The following NALCN variants were observed in gnomAD, a reference collection of about 807,000 sequenced individuals.
NALCN encodes the protein sodium leak channel NALCN.
NALCN carries 111 observed loss-of-function variants against 225.3 expected under a neutral mutation model. The ratio of observed to expected loss-of-function variants is 0.49; its 90% confidence interval spans 0.42 to 0.58. NALCN has a LOEUF of 0.58. NALCN is among the 20% of genes least tolerant of loss of function. NALCN has a pLI of 0.00. For synonymous variants in NALCN, 764 were observed against 769.0 expected (o/e 0.99, Z 0.11); for missense variants, 1,378 against 2,202.4 (o/e 0.63, Z 7.49).
At chr13:101,263,618 C>T (rs2042503073) in intron 10 of NALCN, among the ~76,000 whole-genome samples, 1 of 152,174 alleles carries the variant, frequency 6.6e-6, no homozygotes, top group African/African-American at 2.4e-5. Context: ...GTAACTGTCA[C>T]AGCTTCACTT....
chr13:101,057,664 C>A, intron 43 of NALCN: 1 of 438,782 alleles, frequency 2.3e-6, no homozygotes, highest in Non-Finnish European at 4.1e-6. Flanking sequence ...GGAAATTTCT[C>A]CCTCTTGCTG....
At chr13:101,076,041 T>C in intron 34 of NALCN, 100 bp from the exon 35 acceptor site, 1 of 850,930 alleles carries the variant, frequency 1.2e-6, no homozygotes, top group Non-Finnish European at 1.8e-6. Context: ...AATAATTAGC[T>C]TAATATGTGT....
chr13:101,168,515 C>T (rs921881836), intron 15 of NALCN, among the ~76,000 whole-genome samples: 3 of 152,146 alleles, frequency 2.0e-5, no homozygotes. Flanking sequence ...ATCCCTGTGT[C>T]CTGGTTTTTC....
rs1473503244 is a variant in NALCN at position 101,080,587 on chromosome 13, AAAT to A, written c.3885+937_3885+939del. Among the ~76,000 whole-genome samples, 9 of 140,852 alleles carry A rather than the reference AAAT, an allele frequency of 6.4e-5. No homozygotes were observed. In the South Asian group the frequency reaches 6.7e-4, roughly 10 times the overall value. 92.4% of individuals were successfully genotyped at this position (140,852 alleles called of 152,430 possible). A position where few individuals can be genotyped will look rare whatever the true frequency, so the allele number is the denominator to read the frequency against. On this transcript the variant is annotated intron_variant, in intron 34 of 43. Coordinates refer to ENST00000251127, the MANE Select transcript of NALCN (RefSeq NM_052867.4). Reference sequence around the variant, plus strand: ...ATTATAACCAAATAATTATATAATTAAATAATTATTAAATTAATTATATAATCA... The same window carrying A: ...ATTATAACCAAATAATTATATAATTAAATTATTAAATTAATTATATAATCA...
At chr13:101,301,933 T>C (rs1221314516) in intron 7 of NALCN, among the ~76,000 whole-genome samples, 1 of 152,130 alleles carries the variant, frequency 6.6e-6, no homozygotes, top group Non-Finnish European at 1.5e-5. Context: ...AAATGTTAAT[T>C]AGAAGCTTTT....
intron 10 of NALCN, among the ~76,000 whole-genome samples, 183 bp downstream of exon 10, chr13:101,283,750 T>C (rs910785141): frequency 2.6e-5 from 4 of 151,048 alleles, no homozygotes; most frequent in African/African-American, 7.3e-5. Context: ...CAAATCCCTA[T>C]TGTGTATGTT....
intron 10 of NALCN, among the ~76,000 whole-genome samples, chr13:101,260,043 C>G (rs2042374756): frequency 6.6e-6 from 1 of 151,990 alleles, no homozygotes; most frequent in Non-Finnish European, 1.5e-5. Flanking sequence ...ATCTCAGCCT[C>G]TGGCAACCAA....
At chr13:101,220,389 T>C (rs1204696457) in intron 13 of NALCN, among the ~76,000 whole-genome samples, 3 of 152,226 alleles carry the variant, frequency 2.0e-5, no homozygotes, top group African/African-American at 7.2e-5. Context: ...TAATCATCTC[T>C]CCTGAATGAT....
At chr13:101,199,661 A>T (rs1356044682) in intron 13 of NALCN, among the ~76,000 whole-genome samples, 1 of 56,428 alleles carries the variant, frequency 1.8e-5, no homozygotes, top group Admixed American at 2.8e-4. Context: ...GGGTGGGGGG[A>T]GGGGGGAGGG....
intron 7 of NALCN, among the ~76,000 whole-genome samples, chr13:101,305,970 G>T (rs1449435833): frequency 6.6e-6 from 1 of 152,176 alleles, no homozygotes; most frequent in Non-Finnish European, 1.5e-5. Context: ...GGGGCTGGTG[G>T]AAATATTCAA....
intron 26 of NALCN, 101 bp from the exon 27 acceptor site, chr13:101,100,989 A>G: frequency 1.1e-6 from 1 of 907,884 alleles, no homozygotes; most frequent in South Asian, 2.2e-5. Context: ...AACATTGTAT[A>G]AAAATCATGG....
In NALCN at chr13:101,298,001, A is replaced by G. The variant is rs1039418438; in HGVS notation, c.800-5635T>C. 9.2e-5 allele frequency among the ~76,000 whole-genome samples: 14 copies of G among 152,294 alleles called. No homozygotes were observed. The East Asian group carries it at 2.7e-3, about 29-fold the overall frequency. ...GCATCCCCTTCAGTTGGAAGGGAAA[A>G]GAAACTTACACGTTACTCAACCACT... On this transcript the variant is annotated intron_variant, in intron 7 of 43. Transcript: ENST00000251127.
chr13:101,128,610 T>G (rs1351243552), intron 17 of NALCN, among the ~76,000 whole-genome samples: 1 of 152,062 alleles, frequency 6.6e-6, no homozygotes, highest in Non-Finnish European at 1.5e-5. Flanking sequence ...CTGGAGTGCA[T>G]GCAGTGGAAT....
intron 11 of NALCN, among the ~76,000 whole-genome samples, chr13:101,244,346 T>TA (rs1461936547): frequency 6.6e-6 from 1 of 152,222 alleles, no homozygotes; most frequent in Admixed American, 6.5e-5. Context: ...TAAATGAGCA[T>TA]AATTTATAGT....
At chr13:101,285,138 T>G (rs548033976) in intron 9 of NALCN, among the ~76,000 whole-genome samples, 1 of 152,150 alleles carries the variant, frequency 6.6e-6, no homozygotes, top group East Asian at 1.9e-4. Context: ...ACGAATGAGA[T>G]GATGCAAAGA....
intron 17 of NALCN, among the ~76,000 whole-genome samples, chr13:101,129,361 C>T (rs1340303967): frequency 6.6e-6 from 1 of 152,164 alleles, no homozygotes; most frequent in African/African-American, 2.4e-5. Flanking sequence ...TAATGGATTT[C>T]AGTCCATGTC....
At chr13:101,063,784 A>G (rs1246698800) in intron 40 of NALCN, among the ~76,000 whole-genome samples, 1 of 151,982 alleles carries the variant, frequency 6.6e-6, no homozygotes, top group East Asian at 1.9e-4. Flanking sequence ...GTTCTCCTGA[A>G]ATTTGAGACA....
intron 6 of NALCN, among the ~76,000 whole-genome samples, chr13:101,358,703 C>T (rs1402862058): frequency 6.6e-6 from 1 of 152,094 alleles, no homozygotes; most frequent in East Asian, 1.9e-4. Flanking sequence ...GGGTATACAC[C>T]CAAAAGAATA....
At chr13:101,128,263 T>A (rs1478796425) in intron 17 of NALCN, among the ~76,000 whole-genome samples, 5 of 152,162 alleles carry the variant, frequency 3.3e-5, no homozygotes. Flanking sequence ...AATTAATAAC[T>A]CAAAACAAGT....
Sources: allele counts gnomAD v4.1 joint callset (sites outside exome capture counted in the v4.1 genomes callset), GRCh38; gene constraint gnomAD v4.1.1; transcripts MANE v1.5; gene names NCBI Gene and HGNC (gene_info 2026-07-23, HGNC 2026-07-21).